RPIA: variants seen among roughly 807,000 people sequenced by gnomAD.
RPIA encodes ribose-5-phosphate isomerase.
RPIA carries 29 observed loss-of-function variants against 37.8 expected under a neutral mutation model. The observed-to-expected ratio is 0.77, with a 90% CI of 0.57 to 1.05. RPIA has a LOEUF of 1.05. RPIA is among the 50% of genes least tolerant of loss of function. The probability of loss-of-function intolerance (pLI) is 0.00; values close to 1 mark genes in which losing one functional copy is unlikely to be tolerated. For missense variants in RPIA, 385 were observed against 413.6 expected (o/e 0.93, Z 0.60); for synonymous variants, 167 against 157.0 (o/e 1.06, Z -0.48).
At chr2:88,699,940 A>G (rs375418790) in intron 2 of RPIA, 69 bp from the exon 3 acceptor site, 85 of 1,531,634 alleles carry the variant, frequency 5.5e-5, no homozygotes, top group Non-Finnish European at 7.5e-5. Flanking sequence ...GGTTTCGAGC[A>G]AACACATATG....
chr2:88,703,443 C>A (rs1193404294), intron 3 of RPIA, among the ~76,000 whole-genome samples: 1 of 152,230 alleles, frequency 6.6e-6, no homozygotes, highest in Non-Finnish European at 1.5e-5. Flanking sequence ...AACCTCAATT[C>A]TTGACTTCTG....
chr2:88,708,819 C>T (rs562951217), intron 3 of RPIA, among the ~76,000 whole-genome samples: 10 of 150,412 alleles, frequency 6.6e-5, no homozygotes, highest in South Asian at 2.1e-4. Context: ...TGCAGTGGCA[C>T]GATCTTGGCT....
chr2:88,695,458 C>T (rs1288952420), intron 1 of RPIA, among the ~76,000 whole-genome samples: 1 of 152,208 alleles, frequency 6.6e-6, no homozygotes, highest in Non-Finnish European at 1.5e-5. Context: ...AATCCCCATA[C>T]ATTTGATCAC....
chr2:88,700,127 T>G, intron 3 of RPIA, 63 bp downstream of exon 3: 4 of 1,482,872 alleles, frequency 2.7e-6, no homozygotes, highest in Non-Finnish European at 3.8e-6. Context: ...TCCCCGGGGT[T>G]GTGGACCTAT....
chr2:88,722,405 C>T (rs1304548439), intron 3 of RPIA, among the ~76,000 whole-genome samples: 1 of 152,116 alleles, frequency 6.6e-6, no homozygotes, highest in African/African-American at 2.4e-5. Context: ...AAGTATTTAT[C>T]CCATTACATT....
chr2:88,691,727 T>A lies in RPIA; in HGVS notation c.29T>A (p.Leu10His), dbSNP rs1339265778. The A allele has an allele frequency of 7.5e-6, 12 of 1,593,224 alleles. No homozygotes were observed. The highest frequency in any genetic ancestry group is 9.4e-6 in the Non-Finnish European group (11 of 1,175,078). ...CAGCGCCCCGGGCCCTTCAGCACCCTCTACGGGCGGGTCTTGGCCCCGCTG... is the reference window on the plus strand; with the variant it reads ...CAGCGCCCCGGGCCCTTCAGCACCCACTACGGGCGGGTCTTGGCCCCGCTG... MQRPGPFSTLYGRVLAPLPG... is the reference protein window; with the variant it reads MQRPGPFSTHYGRVLAPLPG... The change falls in exon 1 of 9, where the codon CTC becomes CAC. Residue 10 changes from leucine to histidine, a missense_variant. Leu to His is a moderately conservative substitution (Grantham distance 99). Transcript: ENST00000283646.
At chr2:88,711,393 C>T (rs1354781716) in intron 3 of RPIA, among the ~76,000 whole-genome samples, 1 of 152,202 alleles carries the variant, frequency 6.6e-6, no homozygotes, top group African/African-American at 2.4e-5. Context: ...AGAGTTGGGA[C>T]TTCCAGGTCA....
intron 8 of RPIA, among the ~76,000 whole-genome samples, 166 bp downstream of exon 8, chr2:88,738,242 G>A (rs758469360): frequency 6.6e-5 from 10 of 152,186 alleles, no homozygotes; most frequent in East Asian, 1.9e-4. Flanking sequence ...CTCCTTTGCC[G>A]TATTCCCTTC....
intron 8 of RPIA, among the ~76,000 whole-genome samples, chr2:88,740,695 C>T (rs1673372022): frequency 2.0e-5 from 3 of 152,238 alleles, no homozygotes; most frequent in East Asian, 1.9e-4. Context: ...TATATTTTAT[C>T]GGGGAGTTGG....
rs1489697586 is a variant in RPIA at position 88,750,398 on chromosome 2, C to T, written c.*320C>T. 2.4e-6 allele frequency: 1 copy of T among 409,694 alleles called. No individual in the cohort carries two copies. Among genetic ancestry groups the T allele is most frequent in the African/African-American group, 2.1e-5 (1 of 48,610 alleles). The allele number at this position is 409,694 out of a possible 1,614,324, so 25.4% of individuals were successfully genotyped here. Reference sequence around the variant, plus strand: ...GGTAAACTGTATTTAAAACCTTTGACTTGAGTCTGCTGGTAAAGCTTCTGA... The same window carrying T: ...GGTAAACTGTATTTAAAACCTTTGATTTGAGTCTGCTGGTAAAGCTTCTGA... On this transcript the variant is annotated 3_prime_UTR_variant, in exon 9 of 9. Transcript: ENST00000283646.
chr2:88,733,577 C>A (rs1673278542), intron 4 of RPIA, among the ~76,000 whole-genome samples: 1 of 152,142 alleles, frequency 6.6e-6, no homozygotes, highest in South Asian at 2.1e-4. Context: ...TGCAGCCTGG[C>A]TCTGGGGTTA....
intron 2 of RPIA, 131 bp from the exon 3 acceptor site, chr2:88,699,878 A>C: frequency 2.2e-6 from 2 of 892,364 alleles, no homozygotes; most frequent in Non-Finnish European, 3.7e-6. Context: ...AAGGAGGGGG[A>C]CACAGGATGA....
chr2:88,706,367 G>A (rs188285651), intron 3 of RPIA, among the ~76,000 whole-genome samples: 430 of 152,226 alleles, frequency 2.8e-3, no homozygotes, highest in Non-Finnish European at 4.7e-3. Context: ...AGAATACTAT[G>A]CAGCCATAAA....
At chr2:88,698,647 G>T (rs1672789128) in intron 2 of RPIA, 103 bp downstream of exon 2, 1 of 1,037,692 alleles carries the variant, frequency 9.6e-7, no homozygotes, top group South Asian at 1.3e-5. Flanking sequence ...TGCCCTTTTG[G>T]CTTCAGCAGT....
intron 8 of RPIA, among the ~76,000 whole-genome samples, chr2:88,746,277 C>T (rs552782937): frequency 3.4e-4 from 52 of 152,276 alleles, no homozygotes; most frequent in East Asian, 2.1e-3. Context: ...GAGATTTCTT[C>T]TTGGTTTGGC....
At chr2:88,711,188 A>G (rs1164782163) in intron 3 of RPIA, among the ~76,000 whole-genome samples, 1 of 152,234 alleles carries the variant, frequency 6.6e-6, no homozygotes, top group Admixed American at 6.5e-5. Context: ...TTGCTCTTAT[A>G]TAGAATGTAA....
At chr2:88,707,723 G>A (rs1672914526) in intron 3 of RPIA, among the ~76,000 whole-genome samples, 1 of 152,178 alleles carries the variant, frequency 6.6e-6, no homozygotes, top group Admixed American at 6.5e-5. Flanking sequence ...CTATGGCAAG[G>A]CACATAAGCT....
At chr2:88,728,998 C>G (rs112799443) in intron 3 of RPIA, among the ~76,000 whole-genome samples, 1 of 152,146 alleles carries the variant, frequency 6.6e-6, no homozygotes, top group African/African-American at 2.4e-5. Context: ...TTTAGGATGC[C>G]GTGGCATTCT....
At chr2:88,696,029 G>T (rs1470468307) in intron 1 of RPIA, among the ~76,000 whole-genome samples, 1 of 152,042 alleles carries the variant, frequency 6.6e-6, no homozygotes, top group African/African-American at 2.4e-5. Context: ...CTAATGTGAG[G>T]CCTAGGGGCT....
Sources: gnomAD v4.1 joint callset for allele counts (sites outside exome capture counted in the v4.1 genomes callset) on GRCh38, gnomAD v4.1.1 for gene constraint, MANE v1.5 for transcripts, NCBI Gene and HGNC (gene_info 2026-07-23, HGNC 2026-07-21) for gene names.